CCDC102B: variants seen among roughly 807,000 people sequenced by gnomAD.
CCDC102B encodes coiled-coil domain containing 102B, also known as coiled-coil domain-containing protein 102B.
In CCDC102B, 75 loss-of-function variants were observed where a neutral mutation model predicts 57.4. The observed-to-expected ratio is 1.31, with a 90% CI of 1.08 to 1.58. The LOEUF (loss-of-function observed/expected upper bound fraction) is 1.58, where lower values mean the gene tolerates loss of function less well. Among genes scored for constraint, CCDC102B ranks in the 40% most tolerant of loss-of-function variants. CCDC102B has a pLI of 0.00. For missense variants in CCDC102B, 636 were observed against 582.6 expected, an observed-to-expected ratio of 1.09 and a Z score of -0.94; for synonymous variants, 206 against 201.9, an observed-to-expected ratio of 1.02 and a Z score of -0.17.
At chr18:68,996,579 A>G (rs1049540916) in intron 6 of CCDC102B, among the ~76,000 whole-genome samples, 23 of 152,096 alleles carry the variant, frequency 1.5e-4, no homozygotes, top group Admixed American at 1.2e-3. Context: ...TAACTGCACC[A>G]CTGGATTTTG....
chr18:68,794,132 C>T (rs1173983263), upstream of CCDC102B, among the ~76,000 whole-genome samples: 2 of 152,140 alleles, frequency 1.3e-5, no homozygotes, highest in Non-Finnish European at 2.9e-5. Flanking sequence ...ATTAAGTTCT[C>T]TTTTCCTCCC....
chr18:68,742,565 A>G (rs533261798), intron 2 of CCDC102B, among the ~76,000 whole-genome samples: 248 of 152,356 alleles, frequency 1.6e-3, no homozygotes, highest in African/African-American at 5.7e-3. Context: ...AATGGCAGAC[A>G]TAACTTCTTG....
At chr18:68,982,733 A>G (rs1340928976) in intron 6 of CCDC102B, among the ~76,000 whole-genome samples, 1 of 151,792 alleles carries the variant, frequency 6.6e-6, no homozygotes, top group Non-Finnish European at 1.5e-5. Context: ...ATTGTATTTT[A>G]TTCATTAGAA....
downstream of CCDC102B, among the ~76,000 whole-genome samples, chr18:69,056,589 C>T (rs560638969): frequency 2.0e-5 from 3 of 150,482 alleles, no homozygotes; most frequent in African/African-American, 7.3e-5. Context: ...TCCTGCCTAC[C>T]ATGGTGTGCT....
chr18:68,833,383 GTTT>G (rs11290357), intron 1 of CCDC102B, among the ~76,000 whole-genome samples: 12,978 of 142,432 alleles, frequency 0.091, 792 homozygotes, highest in East Asian at 0.31. Flanking sequence ...TGCTTTTCCT[GTTT>G]TTTTTTTTTT....
At chr18:68,994,459 C>T (rs2050961055) in intron 6 of CCDC102B, among the ~76,000 whole-genome samples, 1 of 152,164 alleles carries the variant, frequency 6.6e-6, no homozygotes, top group East Asian at 1.9e-4. Flanking sequence ...CAAATCTCAC[C>T]TTGAATTGTA....
chr18:68,966,442 C>T lies in CCDC102B; in HGVS notation c.1264-44492C>T, dbSNP rs970920167. ...GTGTGTGAGTTAGTGCTGTTTGAAT[C>T]AGGAGTTAGGCAGGGGTTTTACTTT... On this transcript the variant is annotated intron_variant, in intron 6 of 7. Coordinates refer to ENST00000360242, the MANE Select transcript of CCDC102B (RefSeq NM_024781.3). 4.6e-5 allele frequency among the ~76,000 whole-genome samples: 7 copies of T among 152,092 alleles called. No homozygotes were observed. The East Asian group carries it at 5.8e-4, about 13-fold the overall frequency.
At chr18:68,918,629 G>A (rs899771679) in intron 6 of CCDC102B, among the ~76,000 whole-genome samples, 1 of 152,132 alleles carries the variant, frequency 6.6e-6, no homozygotes, top group African/African-American at 2.4e-5. Flanking sequence ...AAGAGAGAGA[G>A]GGAACATGTC....
chr18:68,804,584 A>G (rs1332398588), intron 1 of CCDC102B, among the ~76,000 whole-genome samples: 1 of 152,120 alleles, frequency 6.6e-6, no homozygotes, highest in African/African-American at 2.4e-5. Flanking sequence ...GAGGAGAACC[A>G]TGAGAGAGGA....
chr18:68,737,496 G>A lies in CCDC102B; in HGVS notation c.-67+20902G>A, dbSNP rs145185914. ...TAGTGGCAGTGGTGTGTGTATGTGTGTGTGTCTGTGTGTGTGTGAAGGGAG... is the reference window on the plus strand; with the variant it reads ...TAGTGGCAGTGGTGTGTGTATGTGTATGTGTCTGTGTGTGTGTGAAGGGAG... On this transcript the variant is annotated intron_variant, in intron 2 of 3. Transcript: ENST00000578970. Among the ~76,000 whole-genome samples, 1,075 of 151,978 alleles carry A rather than the reference G, an allele frequency of 7.1e-3. 6 individuals are homozygous for A. Among genetic ancestry groups the A allele is most frequent in the Non-Finnish European group, 0.011 (747 of 67,960 alleles).
At chr18:68,879,116 G>C (rs757569017) in intron 5 of CCDC102B, among the ~76,000 whole-genome samples, 4 of 151,906 alleles carry the variant, frequency 2.6e-5, no homozygotes, top group African/African-American at 4.8e-5. Context: ...ATTCCTCCCA[G>C]TGGGCTCGTG....
chr18:68,789,046 A>G (rs1039362801), intron 2 of CCDC102B, among the ~76,000 whole-genome samples: 3 of 152,108 alleles, frequency 2.0e-5, no homozygotes, highest in African/African-American at 7.2e-5. Flanking sequence ...ATCTCTCAGC[A>G]TTTGCTTATC....
intron 7 of CCDC102B, among the ~76,000 whole-genome samples, chr18:69,013,477 C>T (rs1175311121): frequency 1.3e-5 from 2 of 152,052 alleles, no homozygotes; most frequent in Admixed American, 1.3e-4. Context: ...CACCACTGTG[C>T]AATATATCCA....
chr18:68,923,642 A>G (rs908760953), intron 6 of CCDC102B, among the ~76,000 whole-genome samples: 3 of 152,150 alleles, frequency 2.0e-5, no homozygotes, highest in Non-Finnish European at 4.4e-5. Context: ...ACAGGTTCAC[A>G]CTAAAGAGTG....
At position 68,845,485 on chromosome 18, in the gene CCDC102B, T is replaced by A. The variant is rs144068026; in HGVS notation, c.828-828T>A. Reference sequence around the variant, plus strand: ...TATCATCTCTGCTAATATCTCATTGTCAAATCCTAGAATTGAGGAATGAGG... The same window carrying A: ...TATCATCTCTGCTAATATCTCATTGACAAATCCTAGAATTGAGGAATGAGG... On this transcript the variant is annotated intron_variant, in intron 3 of 7. Coordinates refer to ENST00000360242, the MANE Select transcript of CCDC102B (RefSeq NM_024781.3). Among the ~76,000 whole-genome samples, 1,305 of 151,956 alleles carry A rather than the reference T, an allele frequency of 8.6e-3. 16 individuals carry two copies. The highest frequency in any genetic ancestry group is 0.037 in the East Asian group (190 of 5,178).
At chr18:68,828,792 A>G (rs1457753814) in intron 1 of CCDC102B, among the ~76,000 whole-genome samples, 1 of 151,892 alleles carries the variant, frequency 6.6e-6, no homozygotes, top group Non-Finnish European at 1.5e-5. Flanking sequence ...TATTTACATT[A>G]TGTGAATATA....
intron 4 of CCDC102B, among the ~76,000 whole-genome samples, chr18:68,869,562 G>A (rs2039148618): frequency 1.3e-5 from 2 of 152,146 alleles, no homozygotes; most frequent in Admixed American, 6.5e-5. Context: ...CTCCAAGACT[G>A]GATAAAAGAT....
At chr18:68,991,312 C>T (rs775089376) in intron 6 of CCDC102B, among the ~76,000 whole-genome samples, 9 of 152,170 alleles carry the variant, frequency 5.9e-5, no homozygotes, top group Non-Finnish European at 1.2e-4. Context: ...GCCTGGGGAA[C>T]TTGTAAAAGG....
rs575536049 is a variant in CCDC102B at position 68,858,710 on chromosome 18, C to T, written c.936+12289C>T. ...TGATTTGGCCATCTATCTTTGCTAA[C>T]TGGCACCCATTGAAGTGAGATTTCT... On this transcript the variant is annotated intron_variant, in intron 4 of 7. Transcript: ENST00000360242. Among the ~76,000 whole-genome samples, 4 of 152,246 alleles carry T rather than the reference C, an allele frequency of 2.6e-5. No homozygotes were observed. The South Asian group carries it at 8.3e-4, about 32-fold the overall frequency.
Sources: allele counts gnomAD v4.1 joint callset (sites outside exome capture counted in the v4.1 genomes callset), GRCh38; gene constraint gnomAD v4.1.1; transcripts MANE v1.5; gene names NCBI Gene and HGNC (gene_info 2026-07-23, HGNC 2026-07-21).